The following RNF145 variants were observed in gnomAD, a reference collection of about 807,000 sequenced individuals.
The protein encoded by RNF145 is ring finger protein 145.
In RNF145, 12 loss-of-function variants were observed where a neutral mutation model predicts 57.3. The observed-to-expected ratio is 0.21, with a 90% confidence interval of 0.13 to 0.34. The LOEUF is 0.34. Among genes scored for constraint, RNF145 ranks in the 10% least tolerant of loss-of-function variants. The probability of loss-of-function intolerance (pLI) is 1.00; values close to 1 mark genes in which losing one functional copy is unlikely to be tolerated. For synonymous variants in RNF145, 262 were observed against 288.3 expected (o/e 0.91, Z 0.92); for missense variants, 429 against 799.0 (o/e 0.54, Z 5.58).
intron 1 of RNF145, chr5:159,207,895 A>G (rs1340159713): frequency 3.1e-6 from 5 of 1,613,282 alleles, no homozygotes; most frequent in Non-Finnish European, 4.2e-6. Flanking sequence ...TACCTCTGCC[A>G]TCGGCCGCTC....
chr5:159,173,946 A>C (rs202123732), intron 6 of RNF145, 37 bp downstream of exon 6: 1 of 1,364,338 alleles, frequency 7.3e-7, no homozygotes, highest in East Asian at 2.5e-5. Flanking sequence ...TTCTCTTTCT[A>C]AGGTTATATA....
chr5:159,157,461 A>T lies in RNF145; in HGVS notation c.*1209T>A, dbSNP rs1247712504. On this transcript the variant is annotated 3_prime_UTR_variant, in exon 11 of 11. Transcript: ENST00000424310. ...CATTCAGCTATGTCTGTCAGTCTAC[A>T]TCCAAATTTGCTACTAAAAATAAAA... 6.5e-6 allele frequency: 1 copy of T among 152,804 alleles called. No homozygotes were observed. The highest frequency in any genetic ancestry group is 1.5e-5 in the Non-Finnish European group (1 of 68,044). The allele number at this position is 152,804 out of a possible 1,614,324, so 9.5% of individuals were successfully genotyped here. A position where few individuals can be genotyped will look rare whatever the true frequency, so the allele number is the denominator to read the frequency against.
intron 5 of RNF145, 143 bp from the exon 6 acceptor site, chr5:159,174,301 CTATA>C (rs1243837575): frequency 4.9e-6 from 3 of 609,572 alleles, no homozygotes; most frequent in Non-Finnish European, 2.9e-6. Context: ...TAAAGTTAGC[CTATA>C]TAGTTAATAA....
At chr5:159,184,870 A>C (rs746822260) in intron 3 of RNF145, among the ~76,000 whole-genome samples, 1 of 151,872 alleles carries the variant, frequency 6.6e-6, no homozygotes, top group Non-Finnish European at 1.5e-5. Context: ...TATACTCATT[A>C]CTTTGCGATT....
At chr5:159,194,320 C>T (rs985128170) in intron 3 of RNF145, among the ~76,000 whole-genome samples, 16 of 152,118 alleles carry the variant, frequency 1.1e-4, no homozygotes, top group African/African-American at 3.9e-4. Flanking sequence ...TACAGGCGCC[C>T]GCCACCATGC....
In RNF145 at chr5:159,158,626, C is replaced by A. The variant is rs776984402; in HGVS notation, c.*44G>T. 3 of 1,573,516 alleles carry A rather than the reference C, an allele frequency of 1.9e-6. No individual in the cohort carries two copies. The highest frequency in any genetic ancestry group is 2.6e-6 in the Non-Finnish European group (3 of 1,158,064). On this transcript the variant is annotated 3_prime_UTR_variant, in exon 11 of 11. Transcript: ENST00000424310. ...GAACATGAATTCCATCTTGAGTTAA[C>A]TTCTCCTCCAGAGTATCAAAGCATC...
intron 2 of RNF145, among the ~76,000 whole-genome samples, chr5:159,201,029 AC>A (rs1785643777): frequency 6.6e-6 from 1 of 152,180 alleles, no homozygotes; most frequent in Admixed American, 6.5e-5. Context: ...AAATAGTAAA[AC>A]CCTATGGAAA....
At chr5:159,201,753 AT>A (rs1785676154) in intron 2 of RNF145, among the ~76,000 whole-genome samples, 1 of 152,240 alleles carries the variant, frequency 6.6e-6, no homozygotes, top group African/African-American at 2.4e-5. Flanking sequence ...ATACATAAAA[AT>A]ATCTCTAGAA....
intron 1 of RNF145, among the ~76,000 whole-genome samples, chr5:159,208,327 G>C (rs1785975664): frequency 6.6e-6 from 1 of 152,208 alleles, no homozygotes; most frequent in African/African-American, 2.4e-5. Context: ...TGCTGACTCT[G>C]TCGCGCCACG....
At position 159,158,760 on chromosome 5, in the gene RNF145, G is replaced by A; in HGVS notation, c.1902C>T (p.Ala634=). The change falls in exon 11 of 11, where the codon GCC becomes GCT. Residue 634 remains alanine, a synonymous_variant. Transcript: ENST00000424310. ...EGSRDNNEYI[A]RRPDNQEGAF... Reference sequence around the variant, plus strand: ...CCCCTTCCTGGTTATCTGGTCGTCTGGCAATGTACTCATTATTGTCCCTGG... The same window carrying A: ...CCCCTTCCTGGTTATCTGGTCGTCTAGCAATGTACTCATTATTGTCCCTGG... 6.2e-7 allele frequency: 1 copy of A among 1,613,954 alleles called. No individual in the cohort carries two copies. Among genetic ancestry groups the A allele is most frequent in the East Asian group, 2.2e-5 (1 of 44,878 alleles).
intron 3 of RNF145, among the ~76,000 whole-genome samples, chr5:159,188,199 G>A (rs1785151539): frequency 6.6e-6 from 1 of 151,608 alleles, no homozygotes; most frequent in South Asian, 2.1e-4. Context: ...TGGCTAACAT[G>A]GTGAAACCCC....
intron 6 of RNF145, among the ~76,000 whole-genome samples, chr5:159,171,935 A>G (rs1584673201): frequency 6.6e-6 from 1 of 152,312 alleles, no homozygotes; most frequent in Non-Finnish European, 1.5e-5. Flanking sequence ...AAAAGAAAAG[A>G]AAAAAATTAT....
rs939903965 is a variant in RNF145, at chr5:159,205,378, A to C, written c.-39-1722T>G. Among the ~76,000 whole-genome samples the C allele has an allele frequency of 2.6e-5, 4 of 152,226 alleles. No homozygotes were observed. The South Asian group carries it at 8.3e-4, about 32-fold the overall frequency. ...ATCTCTAACCTTTAATATTTATTGC[A>C]AACCAACCACTGAGGAATCTAAATT... is the stretch of plus-strand genomic sequence containing the variant. On this transcript the variant is annotated intron_variant, in intron 1 of 10. Coordinates refer to ENST00000424310, the MANE Select transcript of RNF145 (RefSeq NM_001199383.2).
intron 8 of RNF145, among the ~76,000 whole-genome samples, chr5:159,166,612 T>C (rs906697627): frequency 7.9e-5 from 12 of 152,240 alleles, no homozygotes; most frequent in Admixed American, 7.2e-4. Context: ...TCATCTGGCA[T>C]GCCACTTCTG....
intron 3 of RNF145, among the ~76,000 whole-genome samples, chr5:159,189,325 T>C (rs1333407380): frequency 1.3e-5 from 2 of 152,246 alleles, no homozygotes; most frequent in South Asian, 2.1e-4. Flanking sequence ...TTCCAATATT[T>C]ACACACGGTC....
intron 3 of RNF145, among the ~76,000 whole-genome samples, chr5:159,188,529 TC>T (rs1785170440): frequency 6.6e-6 from 1 of 152,090 alleles, no homozygotes; most frequent in South Asian, 2.1e-4. Flanking sequence ...TTTTCTTTTT[TC>T]CCCCTTAGTT....
chr5:159,189,595 T>G (rs1353839120), intron 3 of RNF145, among the ~76,000 whole-genome samples: 1 of 152,216 alleles, frequency 6.6e-6, no homozygotes, highest in East Asian at 1.9e-4. Context: ...CACTCCGAGG[T>G]ATTTGTCCAA....
At chr5:159,190,523 C>T (rs1785251958) in intron 3 of RNF145, among the ~76,000 whole-genome samples, 1 of 151,716 alleles carries the variant, frequency 6.6e-6, no homozygotes, top group Non-Finnish European at 1.5e-5. Flanking sequence ...CCCATCTCTA[C>T]AAAAAAATAT....
chr5:159,162,320 T>C (rs1283442630), intron 9 of RNF145, among the ~76,000 whole-genome samples: 2 of 152,190 alleles, frequency 1.3e-5, no homozygotes, highest in Non-Finnish European at 2.9e-5. Context: ...CAATTTAAGA[T>C]TTATATGACA....
Sources: gnomAD v4.1 joint callset for allele counts (sites outside exome capture counted in the v4.1 genomes callset) on GRCh38, gnomAD v4.1.1 for gene constraint, MANE v1.5 for transcripts, NCBI Gene and HGNC (gene_info 2026-07-23, HGNC 2026-07-21) for gene names.